Variants in CTNNA2 observed in about 807,000 individuals in gnomAD.
CTNNA2 encodes the protein catenin alpha-2.
A neutral mutation model predicts 101.0 loss-of-function variants in CTNNA2; 42 were observed. The observed-to-expected ratio is 0.42, with a 90% CI of 0.32 to 0.54. CTNNA2 has a LOEUF of 0.54. CTNNA2 is among the 20% of genes least tolerant of loss of function. The pLI, the probability that CTNNA2 is intolerant of heterozygous loss-of-function variation, is 0.14. For synonymous variants in CTNNA2, 450 were observed against 456.4 expected (o/e 0.99, Z 0.18); for missense variants, 871 against 1,223.1 (o/e 0.71, Z 4.29).
intron 7 of CTNNA2, among the ~76,000 whole-genome samples, chr2:80,103,657 G>A (rs577536155): frequency 4.4e-4 from 66 of 151,060 alleles, no homozygotes; most frequent in African/African-American, 1.5e-3. Context: ...TTCATGGTGT[G>A]TGCACACACC....
At chr2:79,594,498 T>G (rs1371012593) in intron 1 of CTNNA2, among the ~76,000 whole-genome samples, 2 of 152,220 alleles carry the variant, frequency 1.3e-5, no homozygotes, top group African/African-American at 4.8e-5. Context: ...TTAAAAACAG[T>G]TAGAATAGCG....
At chr2:80,641,111 GAAAAT>G (rs948883345) in intron 18 of CTNNA2, among the ~76,000 whole-genome samples, 5 of 152,102 alleles carry the variant, frequency 3.3e-5, no homozygotes, top group African/African-American at 1.2e-4. Flanking sequence ...TTACAAAAAT[GAAAAT>G]AAAATAGCAA....
chr2:79,549,917 C>T (rs767089422), intron 1 of CTNNA2, among the ~76,000 whole-genome samples: 17 of 152,062 alleles, frequency 1.1e-4, no homozygotes, highest in South Asian at 4.2e-4. Flanking sequence ...AGAGCCAAAC[C>T]GAGAGTTCTG....
chr2:80,035,940 T>C (rs1695618462), intron 7 of CTNNA2, among the ~76,000 whole-genome samples: 1 of 152,208 alleles, frequency 6.6e-6, no homozygotes, highest in African/African-American at 2.4e-5. Context: ...TATGACAGAA[T>C]GACAGGTCAC....
chr2:80,227,779 G>C (rs1358656975), intron 7 of CTNNA2, among the ~76,000 whole-genome samples: 1 of 152,098 alleles, frequency 6.6e-6, no homozygotes, highest in Non-Finnish European at 1.5e-5. Context: ...TTGTCTGAGA[G>C]ATCCAGGAGA....
At chr2:79,640,308 A>G (rs909593783) in intron 1 of CTNNA2, among the ~76,000 whole-genome samples, 3 of 152,054 alleles carry the variant, frequency 2.0e-5, no homozygotes, top group African/African-American at 7.2e-5. Flanking sequence ...GTGAGAAGGA[A>G]GACTTCCTAG....
At chr2:80,600,156 T>G (rs1697359367) in intron 15 of CTNNA2, among the ~76,000 whole-genome samples, 1 of 152,070 alleles carries the variant, frequency 6.6e-6, no homozygotes, top group Non-Finnish European at 1.5e-5. Flanking sequence ...AATTGGTTAC[T>G]GGTTGGAAAA....
intron 1 of CTNNA2, among the ~76,000 whole-genome samples, chr2:79,528,690 C>CTTAA (rs1420792664): frequency 6.6e-6 from 1 of 152,088 alleles, no homozygotes; most frequent in African/African-American, 2.4e-5. Context: ...TAGAGTTGAA[C>CTTAA]TTAAAGCCAA....
chr2:79,569,053 A>C (rs1196035520), intron 1 of CTNNA2, among the ~76,000 whole-genome samples: 1 of 152,070 alleles, frequency 6.6e-6, no homozygotes, highest in Non-Finnish European at 1.5e-5. Context: ...AAAATGACAT[A>C]ATATTAACGT....
chr2:79,449,305 G>A (rs1678865154), intron 4 of CTNNA2, among the ~76,000 whole-genome samples: 1 of 151,982 alleles, frequency 6.6e-6, no homozygotes, highest in South Asian at 2.1e-4. Context: ...GTGGAAAAGA[G>A]ATAATAGACA....
chr2:79,329,505 C>A (rs1044290711), intron 3 of CTNNA2, among the ~76,000 whole-genome samples: 1 of 152,090 alleles, frequency 6.6e-6, no homozygotes, highest in Non-Finnish European at 1.5e-5. Flanking sequence ...CATTTACCTA[C>A]GGTGGCATCC....
intron 9 of CTNNA2, among the ~76,000 whole-genome samples, chr2:80,497,308 A>T (rs1255454777): frequency 1.3e-5 from 2 of 152,210 alleles, no homozygotes; most frequent in African/African-American, 4.8e-5. Flanking sequence ...CAGAGGCCAC[A>T]GTTCTGAGTG....
intron 4 of CTNNA2, among the ~76,000 whole-genome samples, chr2:79,483,736 A>T (rs925306535): frequency 6.6e-6 from 1 of 152,098 alleles, no homozygotes; most frequent in Non-Finnish European, 1.5e-5. Flanking sequence ...GAATGCTATT[A>T]TTTCATTTAT....
intron 7 of CTNNA2, among the ~76,000 whole-genome samples, chr2:80,080,513 A>G (rs1441271029): frequency 3.9e-5 from 6 of 152,236 alleles, no homozygotes; most frequent in Admixed American, 1.3e-4. Flanking sequence ...CTACAAAGCT[A>G]GTAAAAGAAA....
chr2:79,645,051 C>T (rs1416891467), intron 1 of CTNNA2, among the ~76,000 whole-genome samples: 2 of 151,976 alleles, frequency 1.3e-5, no homozygotes, highest in Admixed American at 6.6e-5. Context: ...GGCATGATCT[C>T]GGCTCACTGC....
At chr2:80,394,057 G>T (rs1677767526) in intron 8 of CTNNA2, among the ~76,000 whole-genome samples, 1 of 152,298 alleles carries the variant, frequency 6.6e-6, no homozygotes, top group Admixed American at 6.5e-5. Flanking sequence ...GCAGAATCCT[G>T]TCTCCTGCTG....
At chr2:79,260,188 G>C (rs1458592913) in intron 2 of CTNNA2, among the ~76,000 whole-genome samples, 1 of 152,044 alleles carries the variant, frequency 6.6e-6, no homozygotes, top group Non-Finnish European at 1.5e-5. Context: ...GTTGAATCTG[G>C]CAACCAAGAA....
intron 7 of CTNNA2, among the ~76,000 whole-genome samples, chr2:80,161,780 G>A (rs1024176336): frequency 2.6e-5 from 4 of 152,070 alleles, no homozygotes; most frequent in Admixed American, 2.6e-4. Context: ...TATTTTTCAT[G>A]TAAAAATATA....
intron 7 of CTNNA2, among the ~76,000 whole-genome samples, chr2:80,066,580 T>G (rs1047558224): frequency 5.9e-5 from 9 of 151,970 alleles, no homozygotes; most frequent in African/African-American, 2.2e-4. Context: ...TAATAAAAAA[T>G]GAAAAATAAG....
Sources: allele counts gnomAD v4.1 joint callset (sites outside exome capture counted in the v4.1 genomes callset), GRCh38; gene constraint gnomAD v4.1.1; transcripts MANE v1.5; gene names NCBI Gene and HGNC (gene_info 2026-07-23, HGNC 2026-07-21).